The following PRKAB2 variants were observed in gnomAD, a reference collection of about 807,000 sequenced individuals.
PRKAB2 encodes the protein protein kinase AMP-activated non-catalytic subunit beta 2, also known as 5'-AMP-activated protein kinase subunit beta-2.
Under a neutral mutation model 29.8 loss-of-function variants are expected in PRKAB2, and 18 were observed. The observed-to-expected ratio is 0.60, with a 90% CI of 0.42 to 0.89. The LOEUF is 0.89. Ranked by LOEUF, PRKAB2 falls within the 40% of genes least tolerant of loss-of-function variation. The probability of loss-of-function intolerance (pLI) is 0.00; values close to 1 mark genes in which losing one functional copy is unlikely to be tolerated. For missense variants in PRKAB2, 270 were observed against 344.3 expected (o/e 0.78, Z 1.71); for synonymous variants, 136 against 125.9 (o/e 1.08, Z -0.54).
chr1:147,169,962 T>C (rs1280955148), intron 2 of PRKAB2, among the ~76,000 whole-genome samples: 2 of 152,178 alleles, frequency 1.3e-5, no homozygotes, highest in Non-Finnish European at 1.5e-5. Flanking sequence ...AGTTTAGAAT[T>C]TGAAAGCTAC....
At chr1:147,168,565 T>C (rs1194594172) in intron 2 of PRKAB2, among the ~76,000 whole-genome samples, 2 of 152,224 alleles carry the variant, frequency 1.3e-5, no homozygotes, top group Non-Finnish European at 2.9e-5. Context: ...ATACTAATTA[T>C]TTCAGGAGTA....
In PRKAB2 at chr1:147,155,132, A is replaced by C. The variant is rs1403305377; in HGVS notation, c.*4433T>G. 6.6e-6 allele frequency: 1 copy of C among 152,376 alleles called. No individual in the cohort carries two copies. Among genetic ancestry groups the C allele is most frequent in the Non-Finnish European group, 1.5e-5 (1 of 68,026 alleles). 9.4% of individuals were successfully genotyped at this position (152,376 alleles called of 1,614,324 possible). The stretch of plus-strand genomic sequence containing the variant: ...TATTGCTGTATAATACTTTTATTAA[A>C]GTTTTATGGAAAAAACCCACAACAT... On this transcript the variant is annotated 3_prime_UTR_variant, in exon 8 of 8. Coordinates refer to ENST00000254101, the MANE Select transcript of PRKAB2 (RefSeq NM_005399.5).
At chr1:147,160,545 T>C (rs982256214) in intron 7 of PRKAB2, among the ~76,000 whole-genome samples, 8 of 152,286 alleles carry the variant, frequency 5.3e-5, no homozygotes, top group South Asian at 2.1e-4. Flanking sequence ...TCCTTCTACC[T>C]TCCCCCGTAC....
At chr1:147,165,729 CTT>C (rs782499080) in intron 5 of PRKAB2, among the ~76,000 whole-genome samples, 2 of 145,674 alleles carry the variant, frequency 1.4e-5, no homozygotes, top group African/African-American at 2.5e-5. Context: ...CTACCATAGA[CTT>C]TTTTTTTTTT....
Position 147,172,172 on chromosome 1 carries a change from C to T in PRKAB2, c.-23-5G>A, listed in dbSNP as rs1051686757. ...CTGCAGCTCGTCGGGGACCACCTAC[C>T]GCGGGGAACGACACCGGGCTGGGAA... On this transcript the variant is annotated splice_polypyrimidine_tract_variant and splice_region_variant and intron_variant, in intron 1 of 7. Transcript: ENST00000254101. 6.5e-7 allele frequency: 1 copy of T among 1,530,164 alleles called. No individual in the cohort carries two copies. The allele number at this position is 1,530,164 out of a possible 1,614,324, so 94.8% of individuals were successfully genotyped here.
At position 147,171,933 on chromosome 1, in the gene PRKAB2, G is replaced by A. The variant is rs1419237639; in HGVS notation, c.156+56C>T. ...AAAAGAACCAAGAAAGGGAAGAGGA[G>A]CCCAGAAATCAACCCGCTGCAGTAC... is the stretch of plus-strand genomic sequence containing the variant. On this transcript the variant is annotated intron_variant, in intron 2 of 7. Transcript: ENST00000254101. 6 of 1,560,816 alleles carry A rather than the reference G, an allele frequency of 3.8e-6. No individual in the cohort carries two copies. The African/African-American group carries it at 4.1e-5, about 11-fold the overall frequency.
intron 3 of PRKAB2, 122 bp from the exon 4 acceptor site, chr1:147,167,061 C>T: frequency 1.3e-6 from 1 of 796,520 alleles, no homozygotes; most frequent in Non-Finnish European, 2.0e-6. Context: ...ATTGTATCCC[C>T]TGGTGTAAAA....
intron 6 of PRKAB2, 111 bp downstream of exon 6, chr1:147,162,329 C>A (rs1654011984): frequency 6.9e-6 from 8 of 1,152,914 alleles, no homozygotes; most frequent in Non-Finnish European, 9.7e-6. Flanking sequence ...ATGTGTATGA[C>A]TTATAATCTC....
intron 5 of PRKAB2, among the ~76,000 whole-genome samples, chr1:147,163,849 A>C (rs1654096584): frequency 6.6e-6 from 1 of 152,192 alleles, no homozygotes; most frequent in South Asian, 2.1e-4. Flanking sequence ...TATAAATTAC[A>C]TCTCAAAAAA....
chr1:147,164,855 T>A (rs1553913484), intron 5 of PRKAB2, among the ~76,000 whole-genome samples: 1 of 152,250 alleles, frequency 6.6e-6, no homozygotes, highest in Non-Finnish European at 1.5e-5. Context: ...CATGTCTATT[T>A]ATTGGTTACT....
intron 2 of PRKAB2, among the ~76,000 whole-genome samples, chr1:147,171,266 C>G (rs146429917): frequency 8.5e-4 from 130 of 152,216 alleles, no homozygotes; most frequent in African/African-American, 3.1e-3. Context: ...TTTTTAGCCA[C>G]GCAACATTTT....
At chr1:147,161,282 G>A (rs1320271988) in intron 7 of PRKAB2, among the ~76,000 whole-genome samples, 4 of 152,136 alleles carry the variant, frequency 2.6e-5, no homozygotes, top group Non-Finnish European at 5.9e-5. Flanking sequence ...TAGGAGAGAT[G>A]CAAGCACCTG....
intron 6 of PRKAB2, among the ~76,000 whole-genome samples, 172 bp downstream of exon 6, chr1:147,162,268 G>C (rs1476675862): frequency 6.6e-6 from 1 of 152,130 alleles, no homozygotes. Context: ...ATCAGTACCT[G>C]AAAAAGCTGT....
chr1:147,171,898 G>C (rs587635080), intron 2 of PRKAB2, 91 bp downstream of exon 2: 1 of 1,500,302 alleles, frequency 6.7e-7, no homozygotes, highest in East Asian at 2.5e-5. Flanking sequence ...AGCCCGGTTC[G>C]GCGCGGTAGA....
intron 7 of PRKAB2, among the ~76,000 whole-genome samples, 189 bp from the exon 8 acceptor site, chr1:147,159,831 C>T (rs1553912892): frequency 6.6e-6 from 1 of 152,104 alleles, no homozygotes; most frequent in African/African-American, 2.4e-5. Flanking sequence ...GGGTAATCTA[C>T]TTAGTGTGTC....
At chr1:147,167,494 A>G (rs1274002135) in intron 3 of PRKAB2, among the ~76,000 whole-genome samples, 2 of 152,230 alleles carry the variant, frequency 1.3e-5, no homozygotes, top group East Asian at 3.8e-4. Context: ...TCCCACAAGC[A>G]TAGACAGGAC....
At chr1:147,166,727 G>A (rs889676389) in intron 4 of PRKAB2, 109 bp from the exon 5 acceptor site, 37 of 1,551,406 alleles carry the variant, frequency 2.4e-5, no homozygotes, top group African/African-American at 1.9e-4. Flanking sequence ...GCACCTCCAC[G>A]TTTTATCAAG....
At chr1:147,165,462 C>T (rs1654193509) in intron 5 of PRKAB2, among the ~76,000 whole-genome samples, 1 of 152,096 alleles carries the variant, frequency 6.6e-6, no homozygotes, top group Non-Finnish European at 1.5e-5. Context: ...AAACTCAGAA[C>T]GAAAAAGGTT....
intron 6 of PRKAB2, 26 bp from the exon 7 acceptor site, chr1:147,161,806 A>T (rs1553913104): frequency 6.5e-7 from 1 of 1,548,072 alleles, no homozygotes; most frequent in African/African-American, 1.4e-5. Flanking sequence ...AAAAATTACT[A>T]AAAAAATTAC....
Sources: allele counts gnomAD v4.1 joint callset (sites outside exome capture counted in the v4.1 genomes callset), GRCh38; gene constraint gnomAD v4.1.1; transcripts MANE v1.5; gene names NCBI Gene and HGNC (gene_info 2026-07-23, HGNC 2026-07-21).